TMTC4: variants seen among roughly 807,000 people sequenced by gnomAD.
TMTC4 encodes transmembrane O-mannosyltransferase targeting cadherins 4, also known as protein O-mannosyl-transferase TMTC4.
In TMTC4, 65 loss-of-function variants were observed where a neutral mutation model predicts 86.0. That is an observed-to-expected ratio of 0.76 (90% CI 0.62 to 0.93). The LOEUF is 0.93. Ranked by LOEUF, TMTC4 falls within the 40% of genes least tolerant of loss-of-function variation. The probability of loss-of-function intolerance (pLI) is 0.00; values close to 1 mark genes in which losing one functional copy is unlikely to be tolerated. For synonymous variants in TMTC4, 379 were observed against 382.5 expected (o/e 0.99, Z 0.11); for missense variants, 866 against 948.1 (o/e 0.91, Z 1.14).
Position 100,665,853 on chromosome 13 carries a change from G to A in TMTC4, c.220-1517C>T, listed in dbSNP as rs112743718. On this transcript the variant is annotated intron_variant, in intron 3 of 18. Coordinates refer to ENST00000342624, the MANE Select transcript of TMTC4 (RefSeq NM_032813.5). ...GGTGACATTTGCTTCCATGGGCATC[G>A]GCTTCAGAAGCCAGGAGCACACTGA... is the stretch of plus-strand genomic sequence containing the variant. 3.1e-3 allele frequency: 998 copies of A among 325,904 alleles called. 9 individuals carry two copies. Among genetic ancestry groups the A allele is most frequent in the African/African-American group, 0.02 (920 of 46,218 alleles). The allele number at this position is 325,904 out of a possible 1,614,324, so 20.2% of individuals were successfully genotyped here.
Position 100,668,727 on chromosome 13 carries a change from T to A in TMTC4, c.71A>T (p.Asp24Val). The A allele has an allele frequency of 6.2e-7, 1 of 1,614,216 alleles. No individual in the cohort carries two copies. The highest frequency in any genetic ancestry group is 8.5e-7 in the Non-Finnish European group (1 of 1,180,040). ...TGGAAGAATGTGATCCAAATCAGTGTCCAACACGGCCATTCTGAAAACTGC... is the reference window on the plus strand; with the variant it reads ...TGGAAGAATGTGATCCAAATCAGTGACCAACACGGCCATTCTGAAAACTGC... ...QPAVFRMAVL[D>V]TDLDHILPSS... The change falls in exon 3 of 19, where the codon GAC becomes GTC. Residue 24 changes from aspartate to valine, a missense_variant. Physicochemically the swap from Asp to Val is radical, Grantham distance 152. Coordinates refer to ENST00000342624, the MANE Select transcript of TMTC4 (RefSeq NM_032813.5).
chr13:100,637,437 T>C, intron 9 of TMTC4, 101 bp downstream of exon 9: 2 of 1,444,574 alleles, frequency 1.4e-6, no homozygotes, highest in Non-Finnish European at 1.9e-6. Flanking sequence ...ATTGGGGATT[T>C]TGTTGGCGTG....
intron 15 of TMTC4, 172 bp downstream of exon 15, chr13:100,625,363 C>T: frequency 1.1e-6 from 1 of 904,106 alleles, no homozygotes; most frequent in South Asian, 1.6e-5. Flanking sequence ...CTAATGAGAG[C>T]TTTAAAAAAT....
chr13:100,670,653 AAAC>A (rs1886970673), intron 1 of TMTC4, 84 bp from the exon 2 acceptor site: 1 of 377,126 alleles, frequency 2.7e-6, no homozygotes. Context: ...GCTACTTAAA[AAAC>A]AACAAATCAA....
At chr13:100,637,761 G>T in intron 8 of TMTC4, 59 bp from the exon 9 acceptor site, 1 of 1,592,232 alleles carries the variant, frequency 6.3e-7, no homozygotes, top group Non-Finnish European at 8.6e-7. Context: ...GTGTGGCTGA[G>T]CCAGGTACAG....
chr13:100,661,192 C>G (rs1047278853), intron 5 of TMTC4, among the ~76,000 whole-genome samples: 4 of 152,136 alleles, frequency 2.6e-5, no homozygotes, highest in African/African-American at 9.7e-5. Flanking sequence ...AGCTAGTCTG[C>G]CTCAGTTTCC....
At chr13:100,622,321 T>C (rs1405959612) in intron 15 of TMTC4, among the ~76,000 whole-genome samples, 2 of 152,202 alleles carry the variant, frequency 1.3e-5, no homozygotes, top group Non-Finnish European at 2.9e-5. Context: ...AGAGGTGGTA[T>C]CTTCCTGTGG....
chr13:100,642,077 G>A (rs1005596145), intron 7 of TMTC4, 134 bp downstream of exon 7: 10 of 797,220 alleles, frequency 1.3e-5, no homozygotes, highest in Non-Finnish European at 1.8e-5. Context: ...TGTCCAGAAA[G>A]GTCTATCACC....
chr13:100,666,909 G>A (rs1886463850), intron 3 of TMTC4, among the ~76,000 whole-genome samples: 1 of 152,224 alleles, frequency 6.6e-6, no homozygotes, highest in African/African-American at 2.4e-5. Flanking sequence ...AGGATGGCTT[G>A]AGCCCAGGCA....
At chr13:100,670,273 A>G in intron 2 of TMTC4, 87 bp downstream of exon 2, 1 of 1,517,300 alleles carries the variant, frequency 6.6e-7, no homozygotes, top group East Asian at 2.4e-5. Flanking sequence ...AAGCCAGCCA[A>G]ATAGGCCACC....
chr13:100,673,434 C>A, intron 1 of TMTC4: 1 of 871,852 alleles, frequency 1.1e-6, no homozygotes, highest in Non-Finnish European at 1.4e-6. Flanking sequence ...CATTCAATCA[C>A]ATAGCCAGCC....
rs148592727 is a variant in TMTC4, at chr13:100,663,225, G to A, written c.336-45C>T. 2.9e-4 allele frequency: 451 copies of A among 1,544,694 alleles called. No individual in the cohort carries two copies. The African/African-American group carries it at 4.4e-3, about 15-fold the overall frequency. On this transcript the variant is annotated intron_variant, in intron 4 of 18. Coordinates refer to ENST00000342624, the MANE Select transcript of TMTC4 (RefSeq NM_032813.5). ...TCAGGGTACACGCGCAGCGGCATGCGGCAAGAAATGGCAAAGGTCTGGAGG... is the reference window on the plus strand; with the variant it reads ...TCAGGGTACACGCGCAGCGGCATGCAGCAAGAAATGGCAAAGGTCTGGAGG...
chr13:100,670,315 G>A, intron 2 of TMTC4, 45 bp downstream of exon 2: 1 of 1,598,974 alleles, frequency 6.3e-7, no homozygotes, highest in Non-Finnish European at 8.5e-7. Context: ...ATAGCCTTCT[G>A]TCTGAGTGAA....
At position 100,606,353 on chromosome 13, in the gene TMTC4, C is replaced by G; in HGVS notation, c.2134+5G>C. On this transcript the variant is annotated splice_donor_5th_base_variant and intron_variant, in intron 18 of 18. Coordinates refer to ENST00000342624, the MANE Select transcript of TMTC4 (RefSeq NM_032813.5). ...AACACGATTCAAGTTGAACATTTTT[C>G]TTACCCAAATTACCATGGTAACTTG... 1 of 1,613,016 alleles carries G rather than the reference C, an allele frequency of 6.2e-7. No homozygotes were observed. The highest frequency in any genetic ancestry group is 8.5e-7 in the Non-Finnish European group (1 of 1,179,426).
intron 12 of TMTC4, among the ~76,000 whole-genome samples, chr13:100,627,373 C>T (rs1880718541): frequency 6.6e-6 from 1 of 152,206 alleles, no homozygotes. Flanking sequence ...GGGCTTAACA[C>T]AACACACTTC....
intron 6 of TMTC4, among the ~76,000 whole-genome samples, chr13:100,645,628 T>A (rs1195419897): frequency 6.6e-6 from 1 of 152,062 alleles, no homozygotes; most frequent in Admixed American, 6.6e-5. Flanking sequence ...CCGCTCCAAG[T>A]CCCTGACTGC....
intron 6 of TMTC4, 21 bp downstream of exon 6, chr13:100,656,360 G>A (rs1885106140): frequency 6.3e-7 from 1 of 1,596,844 alleles, no homozygotes; most frequent in African/African-American, 1.4e-5. Flanking sequence ...GGAAAATTAA[G>A]AAGGCAAACA....
intron 15 of TMTC4, 93 bp downstream of exon 15, chr13:100,625,442 T>C (rs1880322528): frequency 6.6e-7 from 1 of 1,503,952 alleles, no homozygotes; most frequent in Non-Finnish European, 9.1e-7. Flanking sequence ...TTATAAAATG[T>C]ATGGGCTAGG....
chr13:100,655,437 T>C (rs549006057), intron 6 of TMTC4, among the ~76,000 whole-genome samples: 2 of 152,350 alleles, frequency 1.3e-5, no homozygotes, highest in South Asian at 4.1e-4. Flanking sequence ...AACCATTATC[T>C]GTAGTGAACG....
Sources: allele counts gnomAD v4.1 joint callset (sites outside exome capture counted in the v4.1 genomes callset), GRCh38; gene constraint gnomAD v4.1.1; transcripts MANE v1.5; gene names NCBI Gene and HGNC (gene_info 2026-07-23, HGNC 2026-07-21).